TRHDE: variants seen among roughly 807,000 people sequenced by gnomAD.
The protein encoded by TRHDE is thyrotropin-releasing hormone-degrading ectoenzyme.
TRHDE carries 72 observed loss-of-function variants against 125.7 expected under a neutral mutation model. The ratio of observed to expected loss-of-function variants is 0.57; its 90% CI spans 0.47 to 0.70. The LOEUF (loss-of-function observed/expected upper bound fraction) is 0.70, where lower values mean the gene tolerates loss of function less well. Ranked by LOEUF, TRHDE falls within the 30% of genes least tolerant of loss-of-function variation. The pLI is 0.00. For synonymous variants in TRHDE, 509 were observed against 509.1 expected (o/e 1.00, Z 0.00); for missense variants, 1,110 against 1,327.1 (o/e 0.84, Z 2.54).
chr12:72,243,922 G>T (rs1878527663), intron 2 of TRHDE, among the ~76,000 whole-genome samples: 2 of 152,118 alleles, frequency 1.3e-5, no homozygotes, highest in Non-Finnish European at 2.9e-5. Context: ...GATTAATTAG[G>T]TCATAGAGAC....
At chr12:72,570,541 A>G (rs546860997) in intron 10 of TRHDE, among the ~76,000 whole-genome samples, 1 of 137,934 alleles carries the variant, frequency 7.2e-6, no homozygotes, top group African/African-American at 2.6e-5. Context: ...AGATCGCGCT[A>G]TGGCACTCCA....
intron 2 of TRHDE, among the ~76,000 whole-genome samples, chr12:72,222,432 T>C (rs899243008): frequency 1.3e-5 from 2 of 152,104 alleles, no homozygotes; most frequent in Non-Finnish European, 2.9e-5. Flanking sequence ...ACTGGCATCG[T>C]AGATCAATGA....
At chr12:72,219,481 C>T (rs1877960691) in intron 2 of TRHDE, among the ~76,000 whole-genome samples, 1 of 152,272 alleles carries the variant, frequency 6.6e-6, no homozygotes, top group Admixed American at 6.5e-5. Flanking sequence ...GAGTCATTTT[C>T]AGGGAAGGAT....
At chr12:72,141,868 A>G (rs115513927) in intron 2 of TRHDE, among the ~76,000 whole-genome samples, 5,285 of 152,236 alleles carry the variant, frequency 0.035, 160 homozygotes, top group African/African-American at 0.084. Context: ...ACTAGAAATG[A>G]CAGGTGATGG....
chr12:72,238,807 G>A (rs537327892), intron 2 of TRHDE, among the ~76,000 whole-genome samples: 1 of 152,188 alleles, frequency 6.6e-6, no homozygotes, highest in African/African-American at 2.4e-5. Flanking sequence ...TGGGCATTTG[G>A]GTTGGTTCCA....
chr12:72,338,071 G>A (rs1869911539), intron 2 of TRHDE, among the ~76,000 whole-genome samples: 3 of 152,130 alleles, frequency 2.0e-5, no homozygotes, highest in Admixed American at 2.0e-4. Context: ...TGTTTCAGAT[G>A]ACTTTTTGTA....
At chr12:72,197,690 ACTTT>A (rs976556807) in intron 2 of TRHDE, among the ~76,000 whole-genome samples, 3 of 152,018 alleles carry the variant, frequency 2.0e-5, no homozygotes, top group Non-Finnish European at 4.4e-5. Context: ...AAGACACCAA[ACTTT>A]CTTCTGCCTC....
intron 15 of TRHDE, among the ~76,000 whole-genome samples, chr12:72,642,267 T>C (rs1874096515): frequency 6.6e-6 from 1 of 152,226 alleles, no homozygotes; most frequent in South Asian, 2.1e-4. Context: ...TGCATGTCTT[T>C]ATTTTTCTAC....
At chr12:72,528,317 A>G (rs1350551317) in intron 6 of TRHDE, among the ~76,000 whole-genome samples, 1 of 152,130 alleles carries the variant, frequency 6.6e-6, no homozygotes, top group Non-Finnish European at 1.5e-5. Flanking sequence ...TAGATTTCAT[A>G]TTCTTTCTAG....
At chr12:72,172,168 C>T (rs766817890) in intron 2 of TRHDE, among the ~76,000 whole-genome samples, 56 of 152,078 alleles carry the variant, frequency 3.7e-4, no homozygotes, top group Non-Finnish European at 6.8e-4. Context: ...GCTACATGGC[C>T]AATGTCTTGG....
chr12:72,277,606 T>C (rs1879534159), intron 1 of TRHDE, among the ~76,000 whole-genome samples: 1 of 152,110 alleles, frequency 6.6e-6, no homozygotes, highest in Non-Finnish European at 1.5e-5. Flanking sequence ...CATAACCATA[T>C]GGCAAAACTG....
At position 72,561,554 on chromosome 12, in the gene TRHDE, T is replaced by C. The variant is rs182854172; in HGVS notation, c.1789-611T>C. ...ACCACTAATAACTAAACATTAAAAA[T>C]GGCAAGTCCTAAGGCCCAAAATGTT... is the stretch of plus-strand genomic sequence containing the variant. On this transcript the variant is annotated intron_variant, in intron 7 of 18. Transcript: ENST00000261180. Among the ~76,000 whole-genome samples, 3 of 152,276 alleles carry C rather than the reference T, an allele frequency of 2.0e-5. No homozygotes were observed. In the East Asian group the frequency reaches 5.8e-4, roughly 29 times the overall value.
In TRHDE at chr12:72,149,331, G is replaced by A. The variant is rs545009717; in HGVS notation, n.279+43579G>A. Among the ~76,000 whole-genome samples, 8 of 152,204 alleles carry A rather than the reference G, an allele frequency of 5.3e-5. No individual in the cohort carries two copies. The East Asian group carries it at 1.5e-3, about 29-fold the overall frequency. ...CTTATACCAAGATTGAGAGAAAAAG[G>A]AAGAATTTATTGTTATGAAATGTTC... On this transcript the variant is annotated intron_variant and non_coding_transcript_variant, in intron 2 of 4. Transcript: ENST00000548156.
chr12:72,642,326 A>G (rs1874098750), intron 15 of TRHDE, among the ~76,000 whole-genome samples: 1 of 152,226 alleles, frequency 6.6e-6, no homozygotes. Flanking sequence ...TTTGAGTAAG[A>G]TAACAAAGTT....
At position 72,653,049 on chromosome 12, in the gene TRHDE, G is replaced by T. The variant is rs1874569893; in HGVS notation, c.2877G>T (p.Val959=). The T allele has an allele frequency of 6.2e-7, 1 of 1,607,162 alleles. No individual in the cohort carries two copies. Among genetic ancestry groups the T allele is most frequent in the South Asian group, 1.1e-5 (1 of 90,422 alleles). The part of the protein sequence containing the change: ...LLNLSLNSEV[V]LDQDAIDVII... ...ATCTGTCACTGAATTCTGAGGTGGTGCTGGATCAAGATGCAATTGATGTCA... is the reference window on the plus strand; with the variant it reads ...ATCTGTCACTGAATTCTGAGGTGGTTCTGGATCAAGATGCAATTGATGTCA... Residue 959 remains valine, a synonymous_variant, in exon 17 of 19, where the codon GTG becomes GTT. Coordinates refer to ENST00000261180, the MANE Select transcript of TRHDE (RefSeq NM_013381.3).
intron 3 of TRHDE, among the ~76,000 whole-genome samples, chr12:72,405,071 G>T (rs1413607960): frequency 6.6e-6 from 1 of 152,148 alleles, no homozygotes; most frequent in Non-Finnish European, 1.5e-5. Flanking sequence ...TTTCTTGAGT[G>T]CCTACTATGT....
intron 2 of TRHDE, among the ~76,000 whole-genome samples, chr12:72,116,742 G>T (rs1875454225): frequency 6.6e-6 from 1 of 151,692 alleles, no homozygotes; most frequent in South Asian, 2.1e-4. Flanking sequence ...GTTCCTTGCA[G>T]TTTCTGGATT....
intron 2 of TRHDE, among the ~76,000 whole-genome samples, chr12:72,311,200 C>G (rs1035083558): frequency 3.3e-5 from 5 of 151,870 alleles, no homozygotes; most frequent in South Asian, 2.1e-4. Flanking sequence ...TTGGCAACCA[C>G]TGATTTTTTT....
intron 2 of TRHDE, among the ~76,000 whole-genome samples, chr12:72,114,714 A>G (rs547699858): frequency 6.6e-6 from 1 of 152,208 alleles, no homozygotes; most frequent in South Asian, 2.1e-4. Context: ...GTGAGATGGA[A>G]GAAGGCTTAT....
Sources: gnomAD v4.1 joint callset for allele counts (sites outside exome capture counted in the v4.1 genomes callset) on GRCh38, gnomAD v4.1.1 for gene constraint, MANE v1.5 for transcripts, NCBI Gene and HGNC (gene_info 2026-07-23, HGNC 2026-07-21) for gene names.